Variants in COL5A2 observed in about 807,000 individuals in gnomAD.
COL5A2 encodes collagen type V alpha 2 chain.
COL5A2 carries 23 observed loss-of-function variants against 208.2 expected under a neutral mutation model. The observed-to-expected ratio is 0.11, with a 90% CI of 0.08 to 0.16. COL5A2 has a LOEUF of 0.16. COL5A2 is among the 10% of genes least tolerant of loss of function. The pLI is 1.00. For missense variants in COL5A2, 1,590 were observed against 1,956.4 expected, an observed-to-expected ratio of 0.81 and a Z score of 3.53; for synonymous variants, 625 against 628.5, an observed-to-expected ratio of 0.99 and a Z score of 0.08.
chr2:189,144,627 T>C (rs1688003580), intron 1 of COL5A2, among the ~76,000 whole-genome samples: 1 of 151,796 alleles, frequency 6.6e-6, no homozygotes, highest in Non-Finnish European at 1.5e-5. Flanking sequence ...AAAAAATACA[T>C]ATATTTTATA....
chr2:189,295,539 C>T, the COL5A2 span, among the ~76,000 whole-genome samples: 4 of 152,070 alleles, frequency 2.6e-5, no homozygotes, highest in Admixed American at 2.0e-4. Context: ...CACTTGAACC[C>T]GGGAGGCAGA....
In COL5A2 at chr2:189,100,012, T is replaced by C. The variant is rs1687014960; in HGVS notation, c.369+95A>G. The C allele has an allele frequency of 1.1e-5, 12 of 1,079,434 alleles. No homozygotes were observed. The South Asian group carries it at 1.6e-4, about 14-fold the overall frequency. 66.9% of individuals were successfully genotyped at this position (1,079,434 alleles called of 1,614,324 possible). A position where few individuals can be genotyped will look rare whatever the true frequency, so the allele number is the denominator to read the frequency against. ...ACTTGTTTTTAAAATAACTAATTTA[T>C]TTTTGAAAGTATGTACATAAGCAAT... On this transcript the variant is annotated intron_variant, in intron 4 of 53. Coordinates refer to ENST00000374866, the MANE Select transcript of COL5A2 (RefSeq NM_000393.5).
At position 189,066,508 on chromosome 2, in the gene COL5A2, CAGA is replaced by C. The variant is rs773492348; in HGVS notation, c.1456-14_1456-12del. ...AATACCATGTGGCCCCTGTTAAAAA[CAGA>C]AGGACAGTTACCAGAAAGACCCATC... On this transcript the variant is annotated splice_polypyrimidine_tract_variant and intron_variant, in intron 22 of 53. Transcript: ENST00000374866. 2.5e-6 allele frequency: 4 copies of C among 1,613,232 alleles called. No homozygotes were observed. Among genetic ancestry groups the C allele is most frequent in the East Asian group, 2.2e-5 (1 of 44,868 alleles).
Position 189,179,696 on chromosome 2 carries a change from TC to T in COL5A2, c.-93del, listed in dbSNP as rs946279072. 2 of 1,543,476 alleles carry T rather than the reference TC, an allele frequency of 1.3e-6. No individual in the cohort carries two copies. Among genetic ancestry groups the T allele is most frequent in the Admixed American group, 2.0e-5 (1 of 51,104 alleles). ...ATGAAGTCAGCTGTGGGCTCTTCTT[TC>T]AGCACCAGCCCCAGGGCAGCCTCTG... is the stretch of plus-strand genomic sequence containing the variant. On this transcript the variant is annotated 5_prime_UTR_variant, in exon 1 of 54. Coordinates refer to ENST00000374866, the MANE Select transcript of COL5A2 (RefSeq NM_000393.5).
At position 189,110,418 on chromosome 2, in the gene COL5A2, C is replaced by T; in HGVS notation, c.129G>A (p.Gln43=). ...CCCTGTTTAAGTACATCTGGCCATTCTGAGTGCAGGCTATTTCTTCACCAT... is the reference window on the plus strand; with the variant it reads ...CCCTGTTTAAGTACATCTGGCCATTTTGAGTGCAGGCTATTTCTTCACCAT... The part of the protein sequence containing the change: ...EGYGEEIACT[Q]NGQMYLNRDI... Residue 43 remains glutamine, a synonymous_variant, in exon 2 of 54, where the codon CAG becomes CAA. Coordinates refer to ENST00000374866, the MANE Select transcript of COL5A2 (RefSeq NM_000393.5). 1 of 1,614,006 alleles carries T rather than the reference C, an allele frequency of 6.2e-7. No individual in the cohort carries two copies. The highest frequency in any genetic ancestry group is 8.5e-7 in the Non-Finnish European group (1 of 1,179,942).
intron 6 of COL5A2, 50 bp from the exon 7 acceptor site, chr2:189,092,470 A>G (rs2105668556): frequency 8.8e-7 from 1 of 1,131,636 alleles, no homozygotes. Flanking sequence ...ATATACACTT[A>G]GTAGAAAGCT....
At chr2:189,323,982 C>T in the COL5A2 span, among the ~76,000 whole-genome samples, 1 of 152,182 alleles carries the variant, frequency 6.6e-6, no homozygotes, top group Non-Finnish European at 1.5e-5. Flanking sequence ...AGATACAGAC[C>T]AGTGGAACAG....
intron 1 of COL5A2, among the ~76,000 whole-genome samples, chr2:189,119,218 G>A (rs1197304629): frequency 6.6e-6 from 1 of 151,972 alleles, no homozygotes; most frequent in Non-Finnish European, 1.5e-5. Flanking sequence ...CTACTTGTAG[G>A]GAGAACAAAA....
chr2:189,296,232 T>A, the COL5A2 span, among the ~76,000 whole-genome samples: 4 of 152,132 alleles, frequency 2.6e-5, no homozygotes, highest in African/African-American at 7.2e-5. Context: ...CTGAAAAAAA[T>A]TTTTAAGTTT....
At chr2:189,187,506 T>A (rs1688867409) in intron 1 of COL5A2, among the ~76,000 whole-genome samples, 1 of 152,212 alleles carries the variant, frequency 6.6e-6, no homozygotes. Flanking sequence ...ATGGGGATAA[T>A]AATATTACCT....
the COL5A2 span, among the ~76,000 whole-genome samples, chr2:189,338,494 T>C: frequency 6.6e-6 from 1 of 152,020 alleles, no homozygotes; most frequent in Non-Finnish European, 1.5e-5. Context: ...CCCCAAGGCC[T>C]CTTCTCCGTT....
At chr2:189,133,444 A>G (rs1687765304) in intron 1 of COL5A2, among the ~76,000 whole-genome samples, 1 of 152,116 alleles carries the variant, frequency 6.6e-6, no homozygotes, top group South Asian at 2.1e-4. Flanking sequence ...TATGAAAGAA[A>G]GAACTTCTTG....
intron 18 of COL5A2, 92 bp downstream of exon 18, chr2:189,071,948 C>G: frequency 1.2e-6 from 1 of 867,884 alleles, no homozygotes; most frequent in East Asian, 2.6e-5. Flanking sequence ...AAGTAACTTT[C>G]ACACTTTTCA....
At chr2:189,188,899 A>G (rs778014173) in intron 1 of COL5A2, among the ~76,000 whole-genome samples, 3 of 152,166 alleles carry the variant, frequency 2.0e-5, no homozygotes, top group Non-Finnish European at 4.4e-5. Flanking sequence ...TATTTTTTTC[A>G]TATTTAGTCC....
At chr2:189,441,094 G>A in the COL5A2 span, among the ~76,000 whole-genome samples, 2 of 152,152 alleles carry the variant, frequency 1.3e-5, no homozygotes, top group African/African-American at 4.8e-5. Context: ...ATCCTGCAGC[G>A]CCGACACCAC....
chr2:189,170,937 G>A (rs764025641), intron 1 of COL5A2, among the ~76,000 whole-genome samples: 2 of 152,148 alleles, frequency 1.3e-5, no homozygotes, highest in Non-Finnish European at 2.9e-5. Flanking sequence ...TGGTGGGAAT[G>A]TGTAAAACGG....
the COL5A2 span, among the ~76,000 whole-genome samples, chr2:189,230,918 A>G: frequency 6.6e-6 from 1 of 151,980 alleles, no homozygotes; most frequent in Non-Finnish European, 1.5e-5. Context: ...TTTTCACAAT[A>G]AGCAAAAGGT....
At chr2:189,372,841 G>A in the COL5A2 span, among the ~76,000 whole-genome samples, 1 of 152,186 alleles carries the variant, frequency 6.6e-6, no homozygotes, top group African/African-American at 2.4e-5. Context: ...TGAAGGACAA[G>A]AGTTGACTTG....
intron 1 of COL5A2, among the ~76,000 whole-genome samples, chr2:189,189,081 T>C (rs769660675): frequency 2.8e-4 from 42 of 152,332 alleles, no homozygotes; most frequent in Non-Finnish European, 5.1e-4. Flanking sequence ...GAATTTTATA[T>C]AAATCTGCCA....
Sources: allele counts gnomAD v4.1 joint callset (sites outside exome capture counted in the v4.1 genomes callset), GRCh38; gene constraint gnomAD v4.1.1; transcripts MANE v1.5; gene names NCBI Gene and HGNC (gene_info 2026-07-23, HGNC 2026-07-21).